The following FAM171A1 variants were observed in gnomAD, a reference collection of about 807,000 sequenced individuals.
FAM171A1 encodes protein FAM171A1.
A neutral mutation model predicts 74.9 loss-of-function variants in FAM171A1; 23 were observed. The ratio of observed to expected loss-of-function variants is 0.31; its 90% CI spans 0.22 to 0.44. The LOEUF (loss-of-function observed/expected upper bound fraction) is 0.44. FAM171A1 is among the 20% of genes least tolerant of loss of function. The pLI, the probability that FAM171A1 is intolerant of heterozygous loss-of-function variation, is 1.00. For synonymous variants in FAM171A1, 527 were observed against 505.7 expected, an observed-to-expected ratio of 1.04 and a Z score of -0.57; for missense variants, 1,162 against 1,159.2, an observed-to-expected ratio of 1.00 and a Z score of -0.03.
At chr10:15,373,048 G>A (rs1371257156), upstream of FAM171A1, among the ~76,000 whole-genome samples, 1 of 152,114 alleles carries the variant, frequency 6.6e-6, no homozygotes, top group African/African-American at 2.4e-5. Context: ...GACATGGCAG[G>A]CACCGTACCA....
chr10:15,231,565 C>T (rs1040020739), intron 5 of FAM171A1, among the ~76,000 whole-genome samples: 2 of 151,886 alleles, frequency 1.3e-5, no homozygotes, highest in African/African-American at 4.8e-5. Context: ...AGATCTCACT[C>T]CGAGTAGCAA....
At chr10:15,218,207 G>A (rs1164088790) in intron 6 of FAM171A1, among the ~76,000 whole-genome samples, 1 of 152,066 alleles carries the variant, frequency 6.6e-6, no homozygotes, top group Non-Finnish European at 1.5e-5. Flanking sequence ...AGCCTCCTGA[G>A]TACCTGGGAC....
chr10:15,220,912 C>T (rs774749701), intron 6 of FAM171A1, 32 bp downstream of exon 6: 1 of 1,538,202 alleles, frequency 6.5e-7, no homozygotes. Flanking sequence ...AGCAACTGAT[C>T]CGCATCATCG....
chr10:15,373,141 A>G (rs561856156), upstream of FAM171A1, among the ~76,000 whole-genome samples: 1 of 152,378 alleles, frequency 6.6e-6, no homozygotes, highest in Admixed American at 6.5e-5. Context: ...TAGGACGTAC[A>G]GAAGCCCATA....
chr10:15,342,587 A>G (rs1835777130), intron 1 of FAM171A1, among the ~76,000 whole-genome samples: 1 of 152,092 alleles, frequency 6.6e-6, no homozygotes, highest in African/African-American at 2.4e-5. Context: ...CTCTGTCTCA[A>G]AAAAACACAT....
intron 1 of FAM171A1, among the ~76,000 whole-genome samples, chr10:15,320,490 G>C (rs1835474129): frequency 6.6e-6 from 1 of 152,208 alleles, no homozygotes; most frequent in Admixed American, 6.5e-5. Context: ...TAAATGTAAT[G>C]GGATTGCCAG....
intron 7 of FAM171A1, 55 bp from the exon 8 acceptor site, chr10:15,214,656 AG>A: frequency 1.3e-6 from 2 of 1,496,536 alleles, no homozygotes; most frequent in Non-Finnish European, 8.9e-7. Context: ...ACAATGAAAA[AG>A]TTTCAAGTTT....
intron 1 of FAM171A1, among the ~76,000 whole-genome samples, chr10:15,294,583 G>C (rs902873066): frequency 1.3e-5 from 2 of 152,226 alleles, no homozygotes; most frequent in African/African-American, 4.8e-5. Flanking sequence ...AACATGAAGA[G>C]TGTGGCTCTG....
upstream of FAM171A1, among the ~76,000 whole-genome samples, chr10:15,373,131 T>C (rs1210584357): frequency 1.3e-5 from 2 of 152,164 alleles, no homozygotes; most frequent in Non-Finnish European, 2.9e-5. Context: ...TGAGAAAAAC[T>C]AGGACGTACA....
chr10:15,213,369 A>G lies in FAM171A1; in HGVS notation c.2219T>C (p.Leu740Ser), dbSNP rs1189210885. ...TTCATTCATATCTACGCCAGAGTCC[A>G]AACTGGCATCATTACTTCCGTTCCT... ...AGRNGSNDAS[L>S]DSGVDMNEPK... Residue 740 changes from leucine to serine, a missense_variant, in exon 8 of 8, where the codon TTG becomes TCG. By Grantham distance (145) the Leu-to-Ser change is moderately radical. Transcript: ENST00000378116. The surrounding 1 kb of genome is among the most constrained non-coding windows in gnomAD (Gnocchi z 6.8). 2.5e-6 allele frequency: 4 copies of G among 1,614,176 alleles called. No homozygotes were observed. The South Asian group carries it at 3.3e-5, about 13-fold the overall frequency.
At chr10:15,367,655 C>G (rs749780876) in intron 1 of FAM171A1, among the ~76,000 whole-genome samples, 2 of 152,188 alleles carry the variant, frequency 1.3e-5, no homozygotes, top group Non-Finnish European at 2.9e-5. Context: ...TTGAGTTTGG[C>G]AAAGAATAGA....
chr10:15,320,158 C>T (rs1303268893), intron 1 of FAM171A1, among the ~76,000 whole-genome samples: 1 of 152,144 alleles, frequency 6.6e-6, no homozygotes, highest in African/African-American at 2.4e-5. Context: ...CCCGGTGTCT[C>T]TTCCCTTCTT....
chr10:15,237,602 A>G (rs923828886), intron 5 of FAM171A1: 2 of 152,236 alleles, frequency 1.3e-5, no homozygotes, highest in Non-Finnish European at 2.9e-5. Context: ...CACAGTGGCA[A>G]CAGACACCAA....
At chr10:15,300,876 T>C (rs1487687866) in intron 1 of FAM171A1, among the ~76,000 whole-genome samples, 2 of 152,198 alleles carry the variant, frequency 1.3e-5, no homozygotes, top group Non-Finnish European at 2.9e-5. Flanking sequence ...TTTTTATAAT[T>C]AGCCGATTGT....
rs1169098742 is a variant in FAM171A1, at chr10:15,312,673, GTTTTTTTTTTTTTTTTTTT to G, written c.98-28587_98-28569del. Reference sequence around the variant, plus strand: ...TACTGGAATGAGTTCAGCACTGTGTGTTTTTTTTTTTTTTTTTTTTTTTTTTTTTTTTTTTTTTTTTGAG... The same window carrying G: ...TACTGGAATGAGTTCAGCACTGTGTGTTTTTTTTTTTTTTTTTTTTTTGAG... On this transcript the variant is annotated intron_variant, in intron 1 of 7. Coordinates refer to ENST00000378116, the MANE Select transcript of FAM171A1 (RefSeq NM_001010924.2). 1.8e-3 allele frequency among the ~76,000 whole-genome samples: 66 copies of G among 36,398 alleles called. 2 individuals are homozygous for G. The highest frequency in any genetic ancestry group is 5.1e-3 in the Admixed American group (11 of 2,152). 23.9% of individuals were successfully genotyped at this position (36,398 alleles called of 152,430 possible). A position where few individuals can be genotyped will look rare whatever the true frequency, so the allele number is the denominator to read the frequency against.
At chr10:15,330,692 G>A (rs1317838174) in intron 1 of FAM171A1, among the ~76,000 whole-genome samples, 2 of 147,632 alleles carry the variant, frequency 1.4e-5, no homozygotes, top group Non-Finnish European at 3.0e-5. Flanking sequence ...AGCCTCTGAA[G>A]CATATTTTTT....
At chr10:15,282,338 G>A (rs971560290) in intron 2 of FAM171A1, among the ~76,000 whole-genome samples, 3 of 152,134 alleles carry the variant, frequency 2.0e-5, no homozygotes, top group African/African-American at 7.2e-5. Context: ...AGCTTTGTTC[G>A]GGCATGAGTT....
In FAM171A1 at chr10:15,212,050, G is replaced by A. The variant is rs1284759850; in HGVS notation, c.*865C>T. ...CCCAAATGGCACTTGGCAGCATGCA[G>A]TTTAAAGCAAAAGAGACATCCTTTA... On this transcript the variant is annotated 3_prime_UTR_variant, in exon 8 of 8. Coordinates refer to ENST00000378116, the MANE Select transcript of FAM171A1 (RefSeq NM_001010924.2). 6.6e-6 allele frequency: 1 copy of A among 152,626 alleles called. No homozygotes were observed. The highest frequency in any genetic ancestry group is 1.5e-5 in the Non-Finnish European group (1 of 68,038). The allele number at this position is 152,626 out of a possible 1,614,324, so 9.5% of individuals were successfully genotyped here.
chr10:15,213,511 G>A lies in FAM171A1; in HGVS notation c.2077C>T (p.Leu693=). ...SEVQLLTEKA[L]MELGGGKPLP... is the part of the protein sequence containing the mutation. ...GGCTTCCCACCCCCAAGCTCCATCAGGGCCTTTTCAGTCAGGAGCTGCACC... is the reference window on the plus strand; with the variant it reads ...GGCTTCCCACCCCCAAGCTCCATCAAGGCCTTTTCAGTCAGGAGCTGCACC... The change falls in exon 8 of 8, where the codon CTG becomes TTG. Residue 693 remains leucine (L), a synonymous_variant. Transcript: ENST00000378116. The surrounding 1 kb of genome is among the most constrained non-coding windows in gnomAD (Gnocchi z 6.8). 6.2e-7 allele frequency: 1 copy of A among 1,614,124 alleles called. No individual in the cohort carries two copies. The highest frequency in any genetic ancestry group is 1.1e-5 in the South Asian group (1 of 91,076).
Sources: gnomAD v4.1 joint callset for allele counts (sites outside exome capture counted in the v4.1 genomes callset) on GRCh38, gnomAD v4.1.1 for gene constraint, Gnocchi (gnomAD v3.1) non-coding constraint, MANE v1.5 for transcripts, NCBI Gene and HGNC (gene_info 2026-07-23, HGNC 2026-07-21) for gene names.